MSRA: variants seen among roughly 807,000 people sequenced by gnomAD.
MSRA encodes the protein mitochondrial peptide methionine sulfoxide reductase.
Under a neutral mutation model 31.3 loss-of-function variants are expected in MSRA, and 54 were observed. The observed-to-expected ratio is 1.73, with a 90% confidence interval of 1.39 to 2.17. MSRA has a LOEUF of 2.17. Among genes scored for constraint, MSRA ranks in the 30% most tolerant of loss-of-function variants. MSRA has a pLI of 0.00. For synonymous variants in MSRA, 169 were observed against 116.5 expected, an observed-to-expected ratio of 1.45 and a Z score of -2.90; for missense variants, 507 against 300.9, an observed-to-expected ratio of 1.69 and a Z score of -5.07.
At chr8:10,123,731 C>T (rs1014312878) in intron 1 of MSRA, among the ~76,000 whole-genome samples, 25 of 151,976 alleles carry the variant, frequency 1.6e-4, no homozygotes, top group Non-Finnish European at 2.1e-4. Flanking sequence ...CCAGTTATCC[C>T]GGCACCATTT....
intron 1 of MSRA, among the ~76,000 whole-genome samples, chr8:10,067,366 A>G (rs1480678478): frequency 6.6e-6 from 1 of 152,196 alleles, no homozygotes; most frequent in African/African-American, 2.4e-5. Flanking sequence ...ATTTCTTTTT[A>G]TTATCAATAA....
At chr8:10,236,412 A>G (rs562633755) in intron 2 of MSRA, among the ~76,000 whole-genome samples, 11 of 152,346 alleles carry the variant, frequency 7.2e-5, no homozygotes, top group Non-Finnish European at 2.9e-5. Flanking sequence ...TTCTGGCTGT[A>G]TGGAAGGTAT....
intron 1 of MSRA, among the ~76,000 whole-genome samples, chr8:10,099,011 C>T (rs1179689594): frequency 6.6e-6 from 1 of 152,174 alleles, no homozygotes; most frequent in Non-Finnish European, 1.5e-5. Context: ...CAGCATGGCC[C>T]TTTGAAAGAA....
At chr8:10,246,507 A>C (rs1797630655) in intron 3 of MSRA, among the ~76,000 whole-genome samples, 1 of 152,200 alleles carries the variant, frequency 6.6e-6, no homozygotes, top group South Asian at 2.1e-4. Flanking sequence ...ATGGGGTGTA[A>C]AATGTAAACA....
intron 5 of MSRA, among the ~76,000 whole-genome samples, chr8:10,423,034 C>T (rs1365413139): frequency 6.6e-6 from 1 of 152,166 alleles, no homozygotes; most frequent in Non-Finnish European, 1.5e-5. Flanking sequence ...CCCACTGTCA[C>T]GGGTGCAGCC....
intron 1 of MSRA, among the ~76,000 whole-genome samples, chr8:10,068,851 A>G (rs1797592948): frequency 6.6e-6 from 1 of 152,222 alleles, no homozygotes; most frequent in Admixed American, 6.5e-5. Flanking sequence ...ATAGGGTTGC[A>G]CTGAATCTCC....
At chr8:10,187,693 G>A (rs1807171889) in intron 1 of MSRA, among the ~76,000 whole-genome samples, 1 of 152,184 alleles carries the variant, frequency 6.6e-6, no homozygotes, top group Non-Finnish European at 1.5e-5. Flanking sequence ...GCAGGCAATA[G>A]TTATTTGCTA....
intron 2 of MSRA, among the ~76,000 whole-genome samples, chr8:10,239,761 A>G (rs2975722): frequency 0.8 from 122,100 of 152,172 alleles, 49,723 homozygotes; most frequent in Non-Finnish European, 0.89. Context: ...AAAGTCTCCC[A>G]ATGGGTCCCT....
Position 10,135,974 on chromosome 8 carries a change from T to C in MSRA, c.143-71859T>C, listed in dbSNP as rs138097826. Among the ~76,000 whole-genome samples the C allele has an allele frequency of 4.9e-4, 75 of 152,218 alleles. 1 individual carries two copies. In the Middle Eastern group the frequency reaches 0.01, roughly 21 times the overall value. ...TTGGGGGCTGCGTGTTGCACTGTGG[T>C]TGTTTAATAGAAGTAGGCCCCATGA... On this transcript the variant is annotated intron_variant, in intron 1 of 5. Coordinates refer to ENST00000317173, the MANE Select transcript of MSRA (RefSeq NM_012331.5).
chr8:10,231,782 A>G (rs1170334869), intron 2 of MSRA, among the ~76,000 whole-genome samples: 2 of 152,158 alleles, frequency 1.3e-5, no homozygotes. Flanking sequence ...GGGCGCCTAT[A>G]GTCCCAACTA....
intron 5 of MSRA, among the ~76,000 whole-genome samples, chr8:10,363,511 C>T (rs1319587213): frequency 2.0e-5 from 3 of 152,134 alleles, no homozygotes; most frequent in Non-Finnish European, 1.5e-5. Context: ...CCCTACCGTG[C>T]CTGTCTTGTA....
intron 3 of MSRA, 78 bp from the exon 4 acceptor site, chr8:10,301,456 G>A: frequency 8.9e-7 from 1 of 1,128,110 alleles, no homozygotes; most frequent in Non-Finnish European, 1.3e-6. Context: ...TTTGTCTGTT[G>A]TTTTTTTTGT....
At chr8:10,233,863 G>A (rs1811705166) in intron 2 of MSRA, among the ~76,000 whole-genome samples, 1 of 152,056 alleles carries the variant, frequency 6.6e-6, no homozygotes, top group African/African-American at 2.4e-5. Context: ...AAATAAAAAT[G>A]AATGACATCT....
At chr8:10,322,334 G>A (rs781284432) in intron 5 of MSRA, among the ~76,000 whole-genome samples, 29 of 151,856 alleles carry the variant, frequency 1.9e-4, no homozygotes, top group Non-Finnish European at 3.5e-4. Flanking sequence ...ATAGGATTCC[G>A]GGCCAGAAGT....
At chr8:10,349,013 G>A (rs901203460) in intron 5 of MSRA, among the ~76,000 whole-genome samples, 8 of 152,140 alleles carry the variant, frequency 5.3e-5, no homozygotes, top group African/African-American at 1.9e-4. Context: ...TGCCAGCCCC[G>A]TGTAGAACAC....
At chr8:10,222,331 A>AG (rs1419273253) in intron 2 of MSRA, among the ~76,000 whole-genome samples, 2 of 152,236 alleles carry the variant, frequency 1.3e-5, no homozygotes, top group African/African-American at 4.8e-5. Flanking sequence ...TAGCCCTTTT[A>AG]AATGACACAT....
chr8:10,375,873 C>G (rs1038001777), intron 5 of MSRA, among the ~76,000 whole-genome samples: 5 of 152,230 alleles, frequency 3.3e-5, no homozygotes, highest in Non-Finnish European at 7.3e-5. Flanking sequence ...GACCCGACTT[C>G]TTTGCACTGG....
At chr8:10,203,375 A>G (rs1808667664) in intron 1 of MSRA, among the ~76,000 whole-genome samples, 1 of 152,196 alleles carries the variant, frequency 6.6e-6, no homozygotes. Flanking sequence ...CATTTTATGT[A>G]AGGAACACAC....
At chr8:10,267,820 A>G (rs772255394) in intron 3 of MSRA, among the ~76,000 whole-genome samples, 5 of 152,182 alleles carry the variant, frequency 3.3e-5, no homozygotes, top group Admixed American at 6.5e-5. Context: ...CATGTACATA[A>G]TGGGCCAAAG....
Sources: gnomAD v4.1 joint callset for allele counts (sites outside exome capture counted in the v4.1 genomes callset) on GRCh38, gnomAD v4.1.1 for gene constraint, MANE v1.5 for transcripts, NCBI Gene and HGNC (gene_info 2026-07-23, HGNC 2026-07-21) for gene names.